Variants in KIF16B observed in about 807,000 individuals in gnomAD.
KIF16B encodes the protein kinesin-like protein KIF16B.
Under a neutral mutation model 156.3 loss-of-function variants are expected in KIF16B, and 98 were observed. The ratio of observed to expected loss-of-function variants is 0.63; its 90% CI spans 0.53 to 0.74. KIF16B has a LOEUF of 0.74. Among genes scored for constraint, KIF16B ranks in the 30% least tolerant of loss-of-function variants. KIF16B has a pLI of 0.00. For missense variants in KIF16B, 1,421 were observed against 1,606.5 expected, an observed-to-expected ratio of 0.88 and a Z score of 1.97; for synonymous variants, 564 against 583.7, an observed-to-expected ratio of 0.97 and a Z score of 0.49.
At chr20:16,548,636 G>C (rs1396139927) in intron 1 of KIF16B, among the ~76,000 whole-genome samples, 1 of 152,196 alleles carries the variant, frequency 6.6e-6, no homozygotes, top group Non-Finnish European at 1.5e-5. Flanking sequence ...CAGCCTGAGA[G>C]TGGGCACATT....
chr20:16,535,095 C>T (rs1338485174), intron 1 of KIF16B, among the ~76,000 whole-genome samples: 5 of 152,046 alleles, frequency 3.3e-5, no homozygotes, highest in Admixed American at 6.6e-5. Flanking sequence ...GCAGTATGGT[C>T]ATTTTAACAA....
intron 18 of KIF16B, 54 bp from the exon 19 acceptor site, chr20:16,380,217 C>T (rs755656163): frequency 3.9e-5 from 55 of 1,402,480 alleles, no homozygotes; most frequent in Non-Finnish European, 4.8e-5. Flanking sequence ...AAATGTTGCT[C>T]TAACTTTACT....
At chr20:16,410,033 G>C (rs1405078089) in intron 15 of KIF16B, among the ~76,000 whole-genome samples, 1 of 66,122 alleles carries the variant, frequency 1.5e-5, no homozygotes, top group African/African-American at 6.5e-5. Context: ...ATATATGTAG[G>C]TACATATATA....
At chr20:16,377,475 T>C (rs865969182) in intron 19 of KIF16B, among the ~76,000 whole-genome samples, 1 of 150,774 alleles carries the variant, frequency 6.6e-6, no homozygotes, top group South Asian at 2.2e-4. Context: ...TCCCAGCCAC[T>C]TGGGTGGCTG....
At chr20:16,544,369 G>C (rs1264709858) in intron 1 of KIF16B, among the ~76,000 whole-genome samples, 1 of 152,016 alleles carries the variant, frequency 6.6e-6, no homozygotes, top group Admixed American at 6.6e-5. Flanking sequence ...CAGCACTTTG[G>C]GAGGCCAAGG....
At chr20:16,525,989 A>T (rs1291968408) in intron 3 of KIF16B, 103 bp downstream of exon 3, 2 of 629,252 alleles carry the variant, frequency 3.2e-6, no homozygotes. Flanking sequence ...CAAAAATTAC[A>T]TTCAGAAAGA....
intron 25 of KIF16B, among the ~76,000 whole-genome samples, chr20:16,305,586 TTAAC>T (rs1386989937): frequency 2.6e-5 from 4 of 152,172 alleles, no homozygotes; most frequent in Non-Finnish European, 5.9e-5. Context: ...TAAGTGATAA[TTAAC>T]TATAATAGCC....
intron 12 of KIF16B, among the ~76,000 whole-genome samples, chr20:16,491,522 C>T (rs977034285): frequency 6.6e-6 from 1 of 152,138 alleles, no homozygotes; most frequent in African/African-American, 2.4e-5. Context: ...CAACTACTTT[C>T]AAAATAACTC....
chr20:16,455,079 T>G (rs918999830), intron 12 of KIF16B, among the ~76,000 whole-genome samples: 1 of 152,198 alleles, frequency 6.6e-6, no homozygotes, highest in African/African-American at 2.4e-5. Flanking sequence ...TGTCGTTAAC[T>G]GAAACACACC....
intron 25 of KIF16B, among the ~76,000 whole-genome samples, chr20:16,277,721 G>A (rs1333161363): frequency 2.0e-5 from 3 of 152,216 alleles, no homozygotes; most frequent in Middle Eastern, 6.8e-3. Flanking sequence ...AGAGCATTGC[G>A]AAAACTGAAG....
chr20:16,506,106 T>G lies in KIF16B; in HGVS notation c.784A>C (p.Thr262Pro). The change falls in exon 8 of 26, where the codon ACC becomes CCC. Residue 262 changes from threonine (T) to proline (P), a missense_variant. Coordinates refer to ENST00000354981, the MANE Select transcript of KIF16B (RefSeq NM_024704.5). ...TTTAGCCTAACCCCGGTGGCTCCGG[T>G]GGCATCTGCACGCTCACTTCCGGCA... The part of the protein sequence containing the change: ...DLAGSERADA[T>P]GATGVRLKEG... 1 of 1,614,128 alleles carries G rather than the reference T, an allele frequency of 6.2e-7. No homozygotes were observed.
intron 25 of KIF16B, among the ~76,000 whole-genome samples, chr20:16,277,014 C>T (rs879101308): frequency 1.4e-4 from 22 of 152,194 alleles, no homozygotes; most frequent in African/African-American, 5.3e-4. Flanking sequence ...CCTCGTACTC[C>T]CTCCTCCGGT....
At chr20:16,332,689 T>C (rs1402943814) in intron 24 of KIF16B, among the ~76,000 whole-genome samples, 5 of 152,122 alleles carry the variant, frequency 3.3e-5, no homozygotes, top group African/African-American at 1.2e-4. Flanking sequence ...TGAATAGAAA[T>C]GGTCTGAAGA....
intron 15 of KIF16B, among the ~76,000 whole-genome samples, chr20:16,407,280 G>A (rs762437990): frequency 6.6e-6 from 1 of 152,152 alleles, no homozygotes; most frequent in Non-Finnish European, 1.5e-5. Flanking sequence ...AAAAGATGTT[G>A]CAGAAGAGGT....
intron 25 of KIF16B, among the ~76,000 whole-genome samples, chr20:16,294,942 G>A (rs2063362311): frequency 1.3e-5 from 2 of 152,096 alleles, no homozygotes; most frequent in Admixed American, 1.3e-4. Flanking sequence ...GTTTCCACCT[G>A]GTTGTTACCA....
chr20:16,370,536 G>A (rs747283796), intron 22 of KIF16B, 50 bp downstream of exon 22: 25 of 1,411,636 alleles, frequency 1.8e-5, no homozygotes, highest in Non-Finnish European at 2.3e-5. Flanking sequence ...AATCACATGA[G>A]CATGCCATAA....
chr20:16,348,495 A>G (rs1447958621), intron 23 of KIF16B, among the ~76,000 whole-genome samples: 1 of 152,356 alleles, frequency 6.6e-6, no homozygotes, highest in East Asian at 1.9e-4. Flanking sequence ...GGTGCTTGAT[A>G]GATGTTAGCT....
At chr20:16,544,627 A>AAG (rs1417879698) in intron 1 of KIF16B, among the ~76,000 whole-genome samples, 1 of 151,238 alleles carries the variant, frequency 6.6e-6, no homozygotes, top group Non-Finnish European at 1.5e-5. Flanking sequence ...AAAAAAAAAA[A>AAG]AAAACTTCCT....
chr20:16,327,138 T>A, intron 24 of KIF16B, among the ~76,000 whole-genome samples: 1 of 149,886 alleles, frequency 6.7e-6, no homozygotes, highest in Admixed American at 6.7e-5. Context: ...AGAAACAAGA[T>A]AATGGCATTT....
Sources: allele counts gnomAD v4.1 joint callset (sites outside exome capture counted in the v4.1 genomes callset), GRCh38; gene constraint gnomAD v4.1.1; transcripts MANE v1.5; gene names NCBI Gene and HGNC (gene_info 2026-07-23, HGNC 2026-07-21).